The following GPHN variants were observed in gnomAD, a reference collection of about 807,000 sequenced individuals.
GPHN encodes gephyrin.
GPHN carries 17 observed loss-of-function variants against 95.5 expected under a neutral mutation model. That is an observed-to-expected ratio of 0.18 (90% CI 0.12 to 0.27). The LOEUF is 0.27. Among genes scored for constraint, GPHN ranks in the 10% least tolerant of loss-of-function variants. GPHN has a pLI of 1.00. For synonymous variants in GPHN, 320 were observed against 322.5 expected, an observed-to-expected ratio of 0.99 and a Z score of 0.08; for missense variants, 660 against 978.1, an observed-to-expected ratio of 0.67 and a Z score of 4.34.
chr14:66,875,809 C>CT (rs1220157929), intron 4 of GPHN, among the ~76,000 whole-genome samples: 4 of 152,088 alleles, frequency 2.6e-5, no homozygotes, highest in African/African-American at 9.7e-5. Flanking sequence ...TAGTGGGAGA[C>CT]TTTAACACCC....
Position 67,168,656 on chromosome 14 carries a change from G to A in GPHN, c.1976-277G>A, listed in dbSNP as rs1330921808. Among the ~76,000 whole-genome samples, 5 of 152,246 alleles carry A rather than the reference G, an allele frequency of 3.3e-5. No homozygotes were observed. The South Asian group carries it at 8.3e-4, about 25-fold the overall frequency. ...AATCTTGATAATAAGATTAGTAATG[G>A]CTTTCAGCTGGCTCTCAGGAAAGCG... is the stretch of plus-strand genomic sequence containing the variant. On this transcript the variant is annotated intron_variant, in intron 20 of 22. Transcript: ENST00000478722.
the GPHN span, among the ~76,000 whole-genome samples, chr14:67,422,347 G>A: frequency 6.6e-6 from 1 of 152,068 alleles, no homozygotes; most frequent in African/African-American, 2.4e-5. Flanking sequence ...TCTGCCCCCT[G>A]ACCACCCTGG....
At chr14:67,386,274 G>A in the GPHN span, 8 of 152,634 alleles carry the variant, frequency 5.2e-5, no homozygotes, top group African/African-American at 1.7e-4. Flanking sequence ...ACATTAGCTT[G>A]TGATTTCTCA....
At chr14:67,595,431 C>T in the GPHN span, among the ~76,000 whole-genome samples, 1 of 152,192 alleles carries the variant, frequency 6.6e-6, no homozygotes, top group Non-Finnish European at 1.5e-5. Flanking sequence ...AAATCATAGA[C>T]TGAACAATTA....
At chr14:67,600,024 C>G in the GPHN span, 2 of 1,559,442 alleles carry the variant, frequency 1.3e-6, no homozygotes, top group East Asian at 4.8e-5. Context: ...TTGCCATTAC[C>G]TCGCAGAGGG....
At chr14:66,830,501 T>G (rs2061544121) in intron 4 of GPHN, among the ~76,000 whole-genome samples, 1 of 152,124 alleles carries the variant, frequency 6.6e-6, no homozygotes, top group Non-Finnish European at 1.5e-5. Flanking sequence ...CTGACATTCT[T>G]AGGAATGCCT....
chr14:66,961,870 C>G (rs1324727089), intron 8 of GPHN, among the ~76,000 whole-genome samples: 2 of 120,506 alleles, frequency 1.7e-5, no homozygotes, highest in Non-Finnish European at 3.5e-5. Context: ...GTATTCATAC[C>G]CTATAACCAA....
chr14:67,424,881 A>C, the GPHN span, among the ~76,000 whole-genome samples: 2 of 152,026 alleles, frequency 1.3e-5, no homozygotes, highest in Admixed American at 1.3e-4. Flanking sequence ...AGCTCTTGTC[A>C]ATCAGAGCAG....
At chr14:67,198,143 A>T in the GPHN span, 1 of 1,596,690 alleles carries the variant, frequency 6.3e-7, no homozygotes, top group Admixed American at 1.8e-5. Flanking sequence ...CAGTTTTTTT[A>T]TGTTTATGTG....
At chr14:66,682,924 G>A (rs2153397329) in intron 2 of GPHN, among the ~76,000 whole-genome samples, 1 of 151,814 alleles carries the variant, frequency 6.6e-6, no homozygotes, top group South Asian at 2.1e-4. Flanking sequence ...GCCATGTTTT[G>A]GAAAAACTTG....
At chr14:67,170,183 T>C (rs942901955) in intron 21 of GPHN, among the ~76,000 whole-genome samples, 46 of 152,202 alleles carry the variant, frequency 3.0e-4, no homozygotes, top group Admixed American at 5.9e-4. Context: ...ACATTGACTG[T>C]TTAAATGCTA....
chr14:66,535,254 C>T (rs7145556), intron 1 of GPHN, among the ~76,000 whole-genome samples: 38,379 of 151,720 alleles, frequency 0.25, 9,764 homozygotes, highest in African/African-American at 0.62. Context: ...GCCCTTAAAC[C>T]ATTGGATTAT....
chr14:67,248,113 A>T, the GPHN span, among the ~76,000 whole-genome samples: 1 of 152,092 alleles, frequency 6.6e-6, no homozygotes, highest in South Asian at 2.1e-4. Flanking sequence ...TAATATGGTG[A>T]ATTACACTGA....
At position 66,827,438 on chromosome 14, in the gene GPHN, T is replaced by C. The variant is rs571863739; in HGVS notation, c.294+2872T>C. On this transcript the variant is annotated intron_variant, in intron 4 of 22. Coordinates refer to ENST00000478722, the MANE Select transcript of GPHN (RefSeq NM_020806.5). Reference sequence around the variant, plus strand: ...AAAGACCAAATGTATTTTTATCTTATACCTTAATAGACTAGTCATTTAACC... The same window carrying C: ...AAAGACCAAATGTATTTTTATCTTACACCTTAATAGACTAGTCATTTAACC... Among the ~76,000 whole-genome samples, 7 of 152,294 alleles carry C rather than the reference T, an allele frequency of 4.6e-5. No homozygotes were observed. In the South Asian group the frequency reaches 1.2e-3, roughly 27 times the overall value.
At chr14:66,743,468 G>A (rs1190629886) in intron 2 of GPHN, among the ~76,000 whole-genome samples, 3 of 152,088 alleles carry the variant, frequency 2.0e-5, no homozygotes, top group African/African-American at 7.2e-5. Context: ...AAGCTTACTT[G>A]CCTTTGCATA....
At chr14:67,043,727 A>G (rs1240624443) in intron 10 of GPHN, among the ~76,000 whole-genome samples, 1 of 152,124 alleles carries the variant, frequency 6.6e-6, no homozygotes, top group African/African-American at 2.4e-5. Flanking sequence ...TATCAGGATG[A>G]TGCTGGCCTC....
the GPHN span, among the ~76,000 whole-genome samples, chr14:67,415,329 A>ATAATT: frequency 6.6e-6 from 1 of 152,202 alleles, no homozygotes; most frequent in African/African-American, 2.4e-5. Flanking sequence ...ATTCAAAAAC[A>ATAATT]TAATTTAAAT....
chr14:67,180,666 G>T, intron 22 of GPHN, 138 bp from the exon 23 acceptor site: 1 of 752,270 alleles, frequency 1.3e-6, no homozygotes. Context: ...ACCTGAAAAA[G>T]GTACTGGAAA....
the GPHN span, chr14:67,323,801 A>C: frequency 6.4e-7 from 1 of 1,557,484 alleles, no homozygotes. Context: ...CAAAGAAGGC[A>C]AGAATCCAAA....
Sources: allele counts gnomAD v4.1 joint callset (sites outside exome capture counted in the v4.1 genomes callset), GRCh38; gene constraint gnomAD v4.1.1; transcripts MANE v1.5; gene names NCBI Gene and HGNC (gene_info 2026-07-23, HGNC 2026-07-21).